Variants in ARHGAP10 observed in about 807,000 individuals in gnomAD.
ARHGAP10 encodes the protein rho GTPase-activating protein 10.
A neutral mutation model predicts 108.6 loss-of-function variants in ARHGAP10; 87 were observed. The ratio of observed to expected loss-of-function variants is 0.80; its 90% CI spans 0.67 to 0.96. The LOEUF is 0.96. Among genes scored for constraint, ARHGAP10 ranks in the 40% least tolerant of loss-of-function variants. ARHGAP10 has a pLI of 0.00. For missense variants in ARHGAP10, 939 were observed against 954.5 expected, an observed-to-expected ratio of 0.98 and a Z score of 0.21; for synonymous variants, 347 against 341.1, an observed-to-expected ratio of 1.02 and a Z score of -0.19.
intron 3 of ARHGAP10, among the ~76,000 whole-genome samples, chr4:147,829,908 A>G (rs1035967770): frequency 6.6e-6 from 1 of 152,252 alleles, no homozygotes; most frequent in African/African-American, 2.4e-5. Flanking sequence ...GTTGAGACCC[A>G]GAGGTTCAGG....
intron 19 of ARHGAP10, among the ~76,000 whole-genome samples, chr4:148,039,863 C>T (rs1250770639): frequency 6.6e-6 from 1 of 152,102 alleles, no homozygotes; most frequent in Non-Finnish European, 1.5e-5. Flanking sequence ...AATATTTCCT[C>T]CTCTGAATTT....
chr4:147,812,050 A>G (rs1732047057), intron 1 of ARHGAP10, among the ~76,000 whole-genome samples: 1 of 152,072 alleles, frequency 6.6e-6, no homozygotes, highest in South Asian at 2.1e-4. Flanking sequence ...AGTAGTGGGA[A>G]TGTTTTTCGA....
chr4:147,981,904 T>C (rs748372387), intron 18 of ARHGAP10, among the ~76,000 whole-genome samples: 4 of 152,226 alleles, frequency 2.6e-5, no homozygotes, highest in Non-Finnish European at 5.9e-5. Flanking sequence ...TTCGATTCCA[T>C]TTGTGTGGTA....
intron 10 of ARHGAP10, among the ~76,000 whole-genome samples, chr4:147,889,179 C>G (rs982981589): frequency 6.6e-6 from 1 of 152,218 alleles, no homozygotes; most frequent in Non-Finnish European, 1.5e-5. Flanking sequence ...CTGCACCACA[C>G]CGCTATACTG....
At chr4:147,980,096 C>G (rs190724990) in intron 18 of ARHGAP10, among the ~76,000 whole-genome samples, 4 of 152,208 alleles carry the variant, frequency 2.6e-5, no homozygotes, top group Non-Finnish European at 4.4e-5. Context: ...AGAGTGGACA[C>G]CCTTGTCTAG....
At position 147,732,326 on chromosome 4, in the gene ARHGAP10, A is replaced by T; in HGVS notation, c.25A>T (p.Ser9Cys). The T allele has an allele frequency of 6.2e-7, 1 of 1,612,564 alleles. No individual in the cohort carries two copies. The highest frequency in any genetic ancestry group is 8.5e-7 in the Non-Finnish European group (1 of 1,179,290). MGLQPLEFSDCYLDSPWFR... is the reference protein window; with the variant it reads MGLQPLEFCDCYLDSPWFR... ...CATGGGGCTGCAGCCCCTGGAGTTCAGCGACTGCTACCTCGACAGCCCGTG... is the reference window on the plus strand; with the variant it reads ...CATGGGGCTGCAGCCCCTGGAGTTCTGCGACTGCTACCTCGACAGCCCGTG... Residue 9 changes from serine (S) to cysteine (C), a missense_variant, in exon 1 of 23, where the codon AGC (serine) becomes TGC (cysteine). Transcript: ENST00000336498.
intron 20 of ARHGAP10, among the ~76,000 whole-genome samples, chr4:148,050,662 C>A (rs570924468): frequency 6.6e-6 from 1 of 151,936 alleles, no homozygotes; most frequent in East Asian, 1.9e-4. Context: ...TGTGAGCCAC[C>A]GTGCCCGGTT....
chr4:148,037,447 T>A (rs1728430094), intron 19 of ARHGAP10, among the ~76,000 whole-genome samples: 1 of 152,180 alleles, frequency 6.6e-6, no homozygotes. Flanking sequence ...ATGTCTCTTT[T>A]TGCAGGGAGT....
At chr4:148,050,710 C>G (rs1729100621) in intron 20 of ARHGAP10, among the ~76,000 whole-genome samples, 1 of 152,186 alleles carries the variant, frequency 6.6e-6, no homozygotes, top group South Asian at 2.1e-4. Flanking sequence ...CAAACTCTTC[C>G]TCTAGGAATT....
intron 13 of ARHGAP10, among the ~76,000 whole-genome samples, chr4:147,914,340 G>T (rs1736871072): frequency 6.6e-6 from 1 of 151,906 alleles, no homozygotes; most frequent in Non-Finnish European, 1.5e-5. Flanking sequence ...TCCTGTATTT[G>T]CTGCGTTGCA....
At chr4:148,036,088 G>A (rs1728366166) in intron 19 of ARHGAP10, among the ~76,000 whole-genome samples, 1 of 151,854 alleles carries the variant, frequency 6.6e-6, no homozygotes, top group South Asian at 2.1e-4. Flanking sequence ...GTGTGTGTGT[G>A]TGTGTGTGTG....
chr4:147,972,609 G>T (rs1181719546), intron 18 of ARHGAP10, among the ~76,000 whole-genome samples: 1 of 152,120 alleles, frequency 6.6e-6, no homozygotes, highest in Non-Finnish European at 1.5e-5. Flanking sequence ...AGAAACCCAG[G>T]CAGGATCAGG....
chr4:148,053,070 G>A (rs964575139), intron 20 of ARHGAP10, among the ~76,000 whole-genome samples: 2 of 152,082 alleles, frequency 1.3e-5, no homozygotes, highest in East Asian at 1.9e-4. Flanking sequence ...TGTAGATGAC[G>A]TTTCATCTTA....
intron 19 of ARHGAP10, among the ~76,000 whole-genome samples, chr4:148,043,909 G>C (rs1221355599): frequency 1.3e-5 from 2 of 151,616 alleles, no homozygotes; most frequent in Non-Finnish European, 2.9e-5. Context: ...TTCAGAAATG[G>C]TTGTGAGTAT....
chr4:147,933,851 C>T (rs1036276469), intron 13 of ARHGAP10, among the ~76,000 whole-genome samples: 1 of 152,042 alleles, frequency 6.6e-6, no homozygotes, highest in African/African-American at 2.4e-5. Flanking sequence ...GAGCCAGGCT[C>T]TTTGGGTGTA....
chr4:147,988,179 G>C (rs1458282610), intron 18 of ARHGAP10, among the ~76,000 whole-genome samples: 1 of 152,116 alleles, frequency 6.6e-6, no homozygotes, highest in Non-Finnish European at 1.5e-5. Flanking sequence ...TGTGTGTCTG[G>C]TCAACATAGT....
intron 14 of ARHGAP10, 57 bp downstream of exon 14, chr4:147,939,956 C>T (rs1738109436): frequency 7.1e-7 from 1 of 1,415,604 alleles, no homozygotes; most frequent in Non-Finnish European, 9.9e-7. Flanking sequence ...TCATTGACTT[C>T]ACAGCTTAAT....
rs757052857 is a variant in ARHGAP10, at chr4:147,864,926, A to G, written c.567A>G (p.Gln189=). 3.7e-6 allele frequency: 6 copies of G among 1,613,950 alleles called. No individual in the cohort carries two copies. Among genetic ancestry groups the G allele is most frequent in the Non-Finnish European group, 4.2e-6 (5 of 1,179,964 alleles). Residue 189 remains glutamine (Q), a synonymous_variant, in exon 6 of 23, where the codon CAA becomes CAG. Transcript: ENST00000336498. Reference sequence around the variant, plus strand: ...ATGTGTGTAAGCTGCAGGAAATCCAAGAAAGAAAGAAGTTTGAGTTTGTGG... The same window carrying G: ...ATGTGTGTAAGCTGCAGGAAATCCAGGAAAGAAAGAAGTTTGAGTTTGTGG... ...LEYVCKLQEI[Q]ERKKFEFVEP...
At chr4:147,742,608 C>T (rs943615992) in intron 1 of ARHGAP10, among the ~76,000 whole-genome samples, 44 of 151,240 alleles carry the variant, frequency 2.9e-4, no homozygotes, top group Middle Eastern at 3.2e-3. Context: ...CCCAGCATCC[C>T]GAGTAGCTGG....
Sources: allele counts gnomAD v4.1 joint callset (sites outside exome capture counted in the v4.1 genomes callset), GRCh38; gene constraint gnomAD v4.1.1; transcripts MANE v1.5; gene names NCBI Gene and HGNC (gene_info 2026-07-23, HGNC 2026-07-21).